The following VASP variants were observed in gnomAD, a reference collection of about 807,000 sequenced individuals.
VASP encodes the protein vasodilator stimulated phosphoprotein.
A neutral mutation model predicts 54.4 loss-of-function variants in VASP; 27 were observed. That is an observed-to-expected ratio of 0.50 (90% CI 0.37 to 0.68). VASP has a LOEUF of 0.68. Among genes scored for constraint, VASP ranks in the 30% least tolerant of loss-of-function variants. The pLI is 0.00. For missense variants in VASP, 488 were observed against 528.3 expected (o/e 0.92, Z 0.75); for synonymous variants, 233 against 209.8 (o/e 1.11, Z -0.96).
rs1968508523 is a variant in VASP, at chr19:45,507,506, C to T, written c.-266C>T. 3 of 499,976 alleles carry T rather than the reference C, an allele frequency of 6.0e-6. No individual in the cohort carries two copies. The East Asian group carries it at 1.1e-4, about 18-fold the overall frequency. The allele number at this position is 499,976 out of a possible 1,614,324, so 31.0% of individuals were successfully genotyped here. A position where few individuals can be genotyped will look rare whatever the true frequency, so the allele number is the denominator to read the frequency against. On this transcript the variant is annotated 5_prime_UTR_variant, in exon 1 of 13. Coordinates refer to ENST00000245932, the MANE Select transcript of VASP (RefSeq NM_003370.4). The surrounding 1 kb of genome is among the most constrained non-coding windows in gnomAD (Gnocchi z 4.4). ...AGTAGTAAGAGTAACACTGTAGCCG[C>T]CACCGGCAAGGGGTGCGCGCTGGGG...
intron 11 of VASP, among the ~76,000 whole-genome samples, chr19:45,525,541 A>G (rs1416785734): frequency 6.6e-6 from 1 of 152,206 alleles, no homozygotes; most frequent in African/African-American, 2.4e-5. Context: ...TCTACTAAAA[A>G]TACAAAAATT....
chr19:45,516,468 G>A (rs192239580), intron 1 of VASP, among the ~76,000 whole-genome samples: 1 of 152,056 alleles, frequency 6.6e-6, no homozygotes, highest in African/African-American at 2.4e-5. Flanking sequence ...CAGTGGTGGA[G>A]GGGGGTGCGT....
Position 45,522,582 on chromosome 19 carries a change from G to A in VASP, c.720+1G>A. 6.8e-7 allele frequency: 1 copy of A among 1,472,300 alleles called. No individual in the cohort carries two copies. Among genetic ancestry groups the A allele is most frequent in the Non-Finnish European group, 8.9e-7 (1 of 1,118,358 alleles). 91.2% of individuals were successfully genotyped at this position (1,472,300 alleles called of 1,614,324 possible). On this transcript the variant is annotated splice_donor_variant, in intron 6 of 12. Coordinates refer to ENST00000245932, the MANE Select transcript of VASP (RefSeq NM_003370.4). LOFTEE classifies it high-confidence loss of function. ...AGCCAAACTCAGGAAAGTCAGCAAG[G>A]TGAGGGGCCGGGAGAGGTGGGCAGG...
chr19:45,507,661 C>G lies in VASP; in HGVS notation c.-111C>G, dbSNP rs1968512975. 2.1e-5 allele frequency: 30 copies of G among 1,415,634 alleles called. No individual in the cohort carries two copies. The highest frequency in any genetic ancestry group is 2.8e-5 in the Non-Finnish European group (29 of 1,052,596). 87.7% of individuals were successfully genotyped at this position (1,415,634 alleles called of 1,614,324 possible). On this transcript the variant is annotated 5_prime_UTR_variant, in exon 1 of 13. Coordinates refer to ENST00000245932, the MANE Select transcript of VASP (RefSeq NM_003370.4). This position sits in a 1 kb window ranked among gnomAD's most constrained non-coding sequence, Gnocchi z 4.4. ...AAGCCGGACTCTATGGGGCGGGACC[C>G]TGGGGGAGCCTGAGCCGAGCCCGGA...
intron 1 of VASP, among the ~76,000 whole-genome samples, chr19:45,515,475 TGA>T (rs1469473050): frequency 6.6e-6 from 1 of 152,100 alleles, no homozygotes; most frequent in Non-Finnish European, 1.5e-5. Flanking sequence ...GTGGTGCCCA[TGA>T]GAGGGATGTT....
Position 45,517,984 on chromosome 19 carries a change from A to T in VASP, c.233A>T (p.Asn78Ile). 1 of 1,613,938 alleles carries T rather than the reference A, an allele frequency of 6.2e-7. No homozygotes were observed. Among genetic ancestry groups the T allele is most frequent in the Non-Finnish European group, 8.5e-7 (1 of 1,179,956 alleles). The change falls in exon 3 of 13, where the codon AAC (asparagine) becomes ATC (isoleucine). Residue 78 changes from asparagine to isoleucine, a missense_variant. Physicochemically the swap from Asn to Ile is moderately radical, Grantham distance 149 (BLOSUM62 -3). Transcript: ENST00000245932. ...RGVKYNQATP[N>I]FHQWRDARQV... ...GTCAAGTATAACCAGGCCACCCCCA[A>T]CTTCCATCAGTGGCGCGACGCTCGC... is the stretch of plus-strand genomic sequence containing the variant.
intron 3 of VASP, 58 bp from the exon 4 acceptor site, chr19:45,521,264 C>T: frequency 1.3e-6 from 2 of 1,495,880 alleles, no homozygotes; most frequent in Non-Finnish European, 9.1e-7. Flanking sequence ...AAGGGAAGCG[C>T]CAAGAGCTGA....
intron 3 of VASP, among the ~76,000 whole-genome samples, chr19:45,520,617 C>T (rs1368669857): frequency 1.3e-5 from 2 of 152,198 alleles, no homozygotes; most frequent in Non-Finnish European, 2.9e-5. Flanking sequence ...GGAAGAAGCT[C>T]TTTACCTTTC....
At chr19:45,516,774 G>A (rs1205832374) in intron 1 of VASP, among the ~76,000 whole-genome samples, 2 of 151,962 alleles carry the variant, frequency 1.3e-5, no homozygotes, top group African/African-American at 4.8e-5. Flanking sequence ...TGAGGCAAAT[G>A]GATCACTTGA....
chr19:45,517,548 C>T, intron 1 of VASP, 115 bp from the exon 2 acceptor site: 1 of 1,392,286 alleles, frequency 7.2e-7, no homozygotes, highest in African/African-American at 1.4e-5. Context: ...GTGGCTCCTG[C>T]CTCCCTCTGT....
Position 45,524,639 on chromosome 19 carries a change from G to A in VASP, c.1026G>A (p.Ser342=), listed in dbSNP as rs561111326. The part of the protein sequence containing the change: ...QPCTPSSSDY[S]DLQRVKQELL... ...GCACGCCCAGCTCCAGTGATTACTC[G>A]GACCTACAGAGGGTGAAACAGGTAA... Residue 342 remains serine (S), a synonymous_variant, in exon 11 of 13, where the codon TCG becomes TCA. Coordinates refer to ENST00000245932, the MANE Select transcript of VASP (RefSeq NM_003370.4). The A allele has an allele frequency of 3.4e-5, 55 of 1,613,608 alleles. No homozygotes were observed. Among genetic ancestry groups the A allele is most frequent in the East Asian group, 6.7e-5 (3 of 44,856 alleles).
rs759466756 is a variant in VASP at position 45,521,362 on chromosome 19, G to A, written c.384G>A (p.Ser128=). 6.3e-7 allele frequency: 1 copy of A among 1,581,956 alleles called. No homozygotes were observed. Among genetic ancestry groups the A allele is most frequent in the Non-Finnish European group, 8.6e-7 (1 of 1,164,138 alleles). The change falls in exon 4 of 13, where the codon TCG becomes TCA. Residue 128 remains serine, a synonymous_variant. Transcript: ENST00000245932. ...CACCCCCAGCACTTCCCACCTGGTC[G>A]GTCCCGAACGGCCCCTCCCCGGAGG... ...PPPPPALPTW[S]VPNGPSPEEV...
At chr19:45,523,809 G>A in intron 8 of VASP, 32 bp from the exon 9 acceptor site, 6 of 1,614,064 alleles carry the variant, frequency 3.7e-6, no homozygotes, top group Non-Finnish European at 5.1e-6. Flanking sequence ...GTGTGGCAGG[G>A]GCTGGCTCAT....
chr19:45,518,035 G>A lies in VASP; in HGVS notation c.284G>A (p.Ser95Asn). ...CAGGTCTGGGGCCTCAACTTCGGCA[G>A]CAAGGAGGATGCGGCCCAGTTTGCC... ...ARQVWGLNFG[S>N]KEDAAQFAAG... Residue 95 changes from serine to asparagine, a missense_variant, in exon 3 of 13, where the codon AGC becomes AAC. Physicochemically the swap from Ser to Asn is conservative, Grantham distance 46. Transcript: ENST00000245932. 1 of 1,613,970 alleles carries A rather than the reference G, an allele frequency of 6.2e-7. No individual in the cohort carries two copies. Among genetic ancestry groups the A allele is most frequent in the Non-Finnish European group, 8.5e-7 (1 of 1,180,014 alleles).
intron 1 of VASP, among the ~76,000 whole-genome samples, chr19:45,510,995 A>T (rs933455301): frequency 2.0e-5 from 3 of 152,096 alleles, no homozygotes; most frequent in African/African-American, 7.2e-5. Flanking sequence ...AAAGAAAAAA[A>T]AAAAGGAACG....
chr19:45,515,757 C>G (rs931378656), intron 1 of VASP, among the ~76,000 whole-genome samples: 1 of 152,056 alleles, frequency 6.6e-6, no homozygotes, highest in African/African-American at 2.4e-5. Context: ...AGGCTGGTCT[C>G]GAACACCTGA....
rs146539450 is a variant in VASP, at chr19:45,522,203, G to A, written c.464G>A (p.Arg155Gln). The change falls in exon 5 of 13, where the codon CGG (arginine) becomes CAG (glutamine). Residue 155 changes from arginine (R) to glutamine (Q), a missense_variant. Physicochemically the swap from Arg to Gln is conservative, Grantham distance 43. Coordinates refer to ENST00000245932, the MANE Select transcript of VASP (RefSeq NM_003370.4). Reference protein sequence around the residue: ...QPGPSEHIERRVSNAGGPPAP... With the variant: ...QPGPSEHIERQVSNAGGPPAP... ...GGCCCGTCGGAGCACATAGAGCGCC[G>A]GGTCTCCAATGCAGGTGATGCTCAG... The A allele has an allele frequency of 4.3e-5, 70 of 1,614,186 alleles. No homozygotes were observed. The highest frequency in any genetic ancestry group is 1.2e-4 in the African/African-American group (9 of 75,068).
chr19:45,509,843 T>C (rs1466589883), intron 1 of VASP, among the ~76,000 whole-genome samples: 1 of 152,186 alleles, frequency 6.6e-6, no homozygotes, highest in Non-Finnish European at 1.5e-5. Flanking sequence ...CAGAAATTCC[T>C]AGGCAACGTT....
chr19:45,513,560 C>T (rs73568930), intron 1 of VASP, among the ~76,000 whole-genome samples: 24,106 of 149,328 alleles, frequency 0.16, 2,157 homozygotes, highest in East Asian at 0.34. Flanking sequence ...CAACTGCCTC[C>T]TGGGTTCAGT....
Sources: allele counts gnomAD v4.1 joint callset (sites outside exome capture counted in the v4.1 genomes callset), GRCh38; gene constraint gnomAD v4.1.1; non-coding constraint Gnocchi (gnomAD v3.1); transcripts MANE v1.5; gene names NCBI Gene and HGNC (gene_info 2026-07-23, HGNC 2026-07-21).